The following FBXL3 variants were observed in gnomAD, a reference collection of about 807,000 sequenced individuals.
The protein encoded by FBXL3 is F-box and leucine rich repeat protein 3.
Under a neutral mutation model 37.9 loss-of-function variants are expected in FBXL3, and 14 were observed. That is an observed-to-expected ratio of 0.37 (90% CI 0.24 to 0.58). The LOEUF (loss-of-function observed/expected upper bound fraction) is 0.58. FBXL3 is among the 20% of genes least tolerant of loss of function. FBXL3 has a pLI of 0.74. For synonymous variants in FBXL3, 194 were observed against 180.1 expected, an observed-to-expected ratio of 1.08 and a Z score of -0.62; for missense variants, 327 against 511.1, an observed-to-expected ratio of 0.64 and a Z score of 3.47.
At chr13:77,026,278 A>G (rs1030668178) in intron 1 of FBXL3, 8 of 985,290 alleles carry the variant, frequency 8.1e-6, no homozygotes, top group Non-Finnish European at 9.6e-6. Context: ...TCCGCTCAAC[A>G]CAAGTTGACC....
At chr13:77,015,099 A>G (rs1042792626) in intron 4 of FBXL3, 17 of 175,902 alleles carry the variant, frequency 9.7e-5, no homozygotes, top group Non-Finnish European at 1.8e-4. Flanking sequence ...ACAATGAGAA[A>G]AAACTCTACT....
At chr13:77,007,870 A>G (rs2034480864) in intron 4 of FBXL3, 82 bp from the exon 5 acceptor site, 4 of 1,254,406 alleles carry the variant, frequency 3.2e-6, no homozygotes, top group South Asian at 1.6e-5. Flanking sequence ...TGTCCCACAA[A>G]AGTTTGTCAC....
intron 1 of FBXL3, among the ~76,000 whole-genome samples, chr13:77,022,294 A>C (rs1015194573): frequency 6.6e-6 from 1 of 152,210 alleles, no homozygotes; most frequent in East Asian, 1.9e-4. Flanking sequence ...GGGTCCCAAG[A>C]ACCTCCAGAG....
At chr13:77,023,436 A>G (rs1156922196) in intron 1 of FBXL3, among the ~76,000 whole-genome samples, 1 of 152,112 alleles carries the variant, frequency 6.6e-6, no homozygotes, top group Non-Finnish European at 1.5e-5. Flanking sequence ...GACTCACTGA[A>G]TTATTATAGT....
Position 77,005,753 on chromosome 13 carries a change from T to C in FBXL3, c.*1392A>G, listed in dbSNP as rs2034440602. ...CAACCACTGAGACACAATCTAAAAG[T>C]CACACCACTGAAAAGAGCCGCTTTA... On this transcript the variant is annotated 3_prime_UTR_variant, in exon 5 of 5. Coordinates refer to ENST00000355619, the MANE Select transcript of FBXL3 (RefSeq NM_012158.4). 1 of 152,064 alleles carries C rather than the reference T, an allele frequency of 6.6e-6. No individual in the cohort carries two copies. The highest frequency in any genetic ancestry group is 2.1e-4 in the South Asian group (1 of 4,832). 9.4% of individuals were successfully genotyped at this position (152,064 alleles called of 1,614,324 possible).
intron 3 of FBXL3, chr13:77,016,978 C>G (rs1593930419): frequency 6.6e-6 from 1 of 152,158 alleles, no homozygotes. Context: ...TCAATTATAT[C>G]TTGTACAAAC....
rs2034745383 is a variant in FBXL3, at chr13:77,021,636, C to G, written c.225G>C (p.Leu75Phe). 1.9e-6 allele frequency: 3 copies of G among 1,614,148 alleles called. No individual in the cohort carries two copies. The highest frequency in any genetic ancestry group is 1.1e-5 in the South Asian group (1 of 91,082). ...NWNQVFHMPD[L>F]WRCFEFELNQ... ...TCAGTTCAAATTCAAAACATCTCCA[C>G]AAGTCAGGCATGTGAAATACCTGGT... Residue 75 changes from leucine to phenylalanine, a missense_variant, in exon 2 of 5, where the codon TTG becomes TTC. Coordinates refer to ENST00000355619, the MANE Select transcript of FBXL3 (RefSeq NM_012158.4).
chr13:77,026,740 C>T (rs1360235941), intron 1 of FBXL3, 87 bp downstream of exon 1: 2 of 146,058 alleles, frequency 1.4e-5, no homozygotes, highest in Non-Finnish European at 3.0e-5. Flanking sequence ...CCCACCCCAC[C>T]CCACCCCGGC....
chr13:77,016,383 C>G (rs2034642972), intron 3 of FBXL3: 1 of 152,080 alleles, frequency 6.6e-6, no homozygotes, highest in Admixed American at 6.6e-5. Flanking sequence ...AACCACTGGG[C>G]AAAGAATCTA....
At chr13:77,019,851 A>G (rs1014673606) in intron 2 of FBXL3, among the ~76,000 whole-genome samples, 1 of 151,844 alleles carries the variant, frequency 6.6e-6, no homozygotes. Context: ...TAAAAAAAAA[A>G]CCCTACTAAA....
At chr13:77,026,439 G>A in intron 1 of FBXL3, 12 of 920,810 alleles carry the variant, frequency 1.3e-5, no homozygotes, top group Non-Finnish European at 1.6e-5. Flanking sequence ...ACCAGCACGG[G>A]CGTAGCCGAC....
chr13:77,013,787 T>C (rs1001301987), intron 4 of FBXL3: 3 of 152,204 alleles, frequency 2.0e-5, no homozygotes, highest in African/African-American at 7.2e-5. Context: ...AATTCCCATC[T>C]TGATAAATCG....
rs2034474201 is a variant in FBXL3 at position 77,007,584 on chromosome 13, T to C, written c.848A>G (p.His283Arg). The part of the protein sequence containing the change: ...QKSSWDAFIR[H>R]SPKVNLVMYF... ...CATCACTAAGTTCACTTTGGGTGAATGTCTGATGAAAGCATCCCAGCTACT... is the reference window on the plus strand; with the variant it reads ...CATCACTAAGTTCACTTTGGGTGAACGTCTGATGAAAGCATCCCAGCTACT... Residue 283 changes from histidine to arginine, a missense_variant, in exon 5 of 5, where the codon CAT (histidine) becomes CGT (arginine). Transcript: ENST00000355619. 6.2e-7 allele frequency: 1 copy of C among 1,614,062 alleles called. No individual in the cohort carries two copies. Among genetic ancestry groups the C allele is most frequent in the South Asian group, 1.1e-5 (1 of 91,088 alleles).
intron 3 of FBXL3, 181 bp from the exon 4 acceptor site, chr13:77,015,761 C>T (rs976358947): frequency 1.1e-5 from 4 of 380,334 alleles, no homozygotes; most frequent in Non-Finnish European, 1.8e-5. Context: ...GACTATCTGT[C>T]ATCTTTGAGA....
In FBXL3 at chr13:77,021,869, GA is replaced by G; in HGVS notation, c.-1-9del. 2 of 1,570,670 alleles carry G rather than the reference GA, an allele frequency of 1.3e-6. No homozygotes were observed. ...CTTCCTCCTCGTTTCATCCTATTCC[GA>G]AAAATGCATCAGTTTTTTTCCTACT... On this transcript the variant is annotated splice_polypyrimidine_tract_variant and intron_variant, in intron 1 of 4. Transcript: ENST00000355619.
intron 1 of FBXL3, among the ~76,000 whole-genome samples, chr13:77,024,518 G>A (rs640618): frequency 0.6 from 90,622 of 152,020 alleles, 30,663 homozygotes; most frequent in Non-Finnish European, 0.77. Flanking sequence ...AGAGTATATG[G>A]ATATATAAAC....
intron 4 of FBXL3, among the ~76,000 whole-genome samples, chr13:77,011,344 CAAA>C (rs34255078): frequency 0.065 from 4,906 of 74,918 alleles, 154 homozygotes; most frequent in East Asian, 0.21. Flanking sequence ...ACTTTGTCTC[CAAA>C]AAAAAAAAAA....
chr13:77,015,897 A>G (rs1297858478), intron 3 of FBXL3: 2 of 170,428 alleles, frequency 1.2e-5, no homozygotes, highest in African/African-American at 4.7e-5. Context: ...TCTCTCAGAC[A>G]CTTCATTTTG....
At chr13:77,011,064 G>A (rs2034542193) in intron 4 of FBXL3, 1 of 152,378 alleles carries the variant, frequency 6.6e-6, no homozygotes, top group Middle Eastern at 3.4e-3. Context: ...AAGGGGCTGG[G>A]TGCAGTGGCT....
Sources: allele counts gnomAD v4.1 joint callset (sites outside exome capture counted in the v4.1 genomes callset), GRCh38; gene constraint gnomAD v4.1.1; transcripts MANE v1.5; gene names NCBI Gene and HGNC (gene_info 2026-07-23, HGNC 2026-07-21).